LRRC28: variants seen among roughly 807,000 people sequenced by gnomAD.
The protein encoded by LRRC28 is leucine-rich repeat-containing protein 28.
In LRRC28, 39 loss-of-function variants were observed where a neutral mutation model predicts 45.7. That is an observed-to-expected ratio of 0.85 (90% CI 0.66 to 1.12). LRRC28 has a LOEUF of 1.12. Ranked by LOEUF, LRRC28 falls within the 50% of genes most tolerant of loss-of-function variation. The pLI is 0.00. For missense variants in LRRC28, 435 were observed against 438.5 expected, an observed-to-expected ratio of 0.99 and a Z score of 0.07; for synonymous variants, 206 against 178.8, an observed-to-expected ratio of 1.15 and a Z score of -1.22.
At chr15:99,300,311 A>G (rs1395701505) in intron 5 of LRRC28, among the ~76,000 whole-genome samples, 1 of 151,420 alleles carries the variant, frequency 6.6e-6, no homozygotes, top group South Asian at 2.1e-4. Context: ...GTTTATAGTA[A>G]TGTAAAGTCT....
intron 7 of LRRC28, among the ~76,000 whole-genome samples, chr15:99,353,480 A>G (rs953462737): frequency 2.0e-5 from 3 of 152,220 alleles, no homozygotes; most frequent in African/African-American, 7.2e-5. Flanking sequence ...GTGCCTATAC[A>G]GGCTGATGAA....
chr15:99,338,831 TG>T (rs1373781157), intron 6 of LRRC28, among the ~76,000 whole-genome samples: 7 of 152,228 alleles, frequency 4.6e-5, no homozygotes, highest in Non-Finnish European at 8.8e-5. Flanking sequence ...CTAAGTCACT[TG>T]TAATACTGTT....
chr15:99,286,471 G>T (rs902879810), intron 3 of LRRC28, among the ~76,000 whole-genome samples: 3 of 152,234 alleles, frequency 2.0e-5, no homozygotes, highest in East Asian at 3.9e-4. Context: ...AAAACCATAG[G>T]TTTTTACTAA....
intron 5 of LRRC28, among the ~76,000 whole-genome samples, chr15:99,301,557 C>T (rs1449001440): frequency 6.6e-6 from 1 of 152,156 alleles, no homozygotes; most frequent in Non-Finnish European, 1.5e-5. Flanking sequence ...GTTACTTGAT[C>T]CCTCTGTGTC....
At chr15:99,295,190 T>C (rs1199727945) in intron 5 of LRRC28, among the ~76,000 whole-genome samples, 2 of 152,248 alleles carry the variant, frequency 1.3e-5, no homozygotes, top group Non-Finnish European at 2.9e-5. Context: ...ATCCGATTGC[T>C]TCCCTGCCTT....
chr15:99,326,421 A>C (rs1955979315), intron 5 of LRRC28: 1 of 152,318 alleles, frequency 6.6e-6, no homozygotes, highest in African/African-American at 2.4e-5. Flanking sequence ...TGGGCAAGAC[A>C]GTCCCTGCCC....
intron 5 of LRRC28, among the ~76,000 whole-genome samples, chr15:99,314,794 T>C (rs1384049793): frequency 6.6e-6 from 1 of 152,218 alleles, no homozygotes; most frequent in Non-Finnish European, 1.5e-5. Context: ...CTTTAACTTG[T>C]CATTTTAGCG....
In LRRC28 at chr15:99,303,562, G is replaced by A. The variant is rs556985025; in HGVS notation, c.385+15611G>A. Among the ~76,000 whole-genome samples the A allele has an allele frequency of 8.5e-5, 13 of 152,262 alleles. No individual in the cohort carries two copies. The South Asian group carries it at 2.1e-3, about 24-fold the overall frequency. On this transcript the variant is annotated intron_variant, in intron 5 of 9. Coordinates refer to ENST00000301981, the MANE Select transcript of LRRC28 (RefSeq NM_144598.5). Reference sequence around the variant, plus strand: ...AAGAATATAAAAACGGCCTGGGCACGGTGGCTCATGCCTACAATCCTAGCA... The same window carrying A: ...AAGAATATAAAAACGGCCTGGGCACAGTGGCTCATGCCTACAATCCTAGCA...
chr15:99,346,259 C>T (rs1956678686), intron 6 of LRRC28, among the ~76,000 whole-genome samples: 1 of 152,196 alleles, frequency 6.6e-6, no homozygotes, highest in South Asian at 2.1e-4. Context: ...TCAGTACAGC[C>T]TGGAACTCCT....
At chr15:99,368,692 A>G (rs1268155865) in intron 9 of LRRC28, among the ~76,000 whole-genome samples, 2 of 152,322 alleles carry the variant, frequency 1.3e-5, no homozygotes, top group Non-Finnish European at 1.5e-5. Flanking sequence ...CCTGTTCAGT[A>G]CAAGCTAGCA....
intron 9 of LRRC28, among the ~76,000 whole-genome samples, chr15:99,375,653 G>A (rs559045185): frequency 6.6e-6 from 1 of 152,026 alleles, no homozygotes; most frequent in Non-Finnish European, 1.5e-5. Context: ...AATGGTTGTA[G>A]GACTATTCAG....
chr15:99,333,319 T>C (rs1300198976), intron 5 of LRRC28, among the ~76,000 whole-genome samples: 2 of 152,224 alleles, frequency 1.3e-5, no homozygotes, highest in Non-Finnish European at 2.9e-5. Context: ...TTATAGGGTA[T>C]GTATACTTTG....
intron 5 of LRRC28, among the ~76,000 whole-genome samples, chr15:99,311,151 G>T (rs1189006186): frequency 6.6e-6 from 1 of 152,104 alleles, no homozygotes; most frequent in Non-Finnish European, 1.5e-5. Flanking sequence ...AAGGGGACTG[G>T]GAGGGTCTTT....
intron 5 of LRRC28, among the ~76,000 whole-genome samples, chr15:99,304,026 C>A (rs745409227): frequency 1.9e-4 from 29 of 152,134 alleles, no homozygotes; most frequent in Non-Finnish European, 4.0e-4. Flanking sequence ...TATCAGATAA[C>A]CTGTACGGAT....
At chr15:99,317,236 A>G (rs1213235179) in intron 5 of LRRC28, among the ~76,000 whole-genome samples, 1 of 152,148 alleles carries the variant, frequency 6.6e-6, no homozygotes, top group African/African-American at 2.4e-5. Context: ...AAAAATGTCT[A>G]TGCCTTTCTG....
At chr15:99,302,229 G>A (rs8032790) in intron 5 of LRRC28, among the ~76,000 whole-genome samples, 8 of 151,848 alleles carry the variant, frequency 5.3e-5, no homozygotes, top group East Asian at 1.9e-4. Flanking sequence ...GGGTTTCATC[G>A]TGTTAGCCAG....
chr15:99,316,531 T>C (rs894792029), intron 5 of LRRC28, among the ~76,000 whole-genome samples: 13 of 152,282 alleles, frequency 8.5e-5, no homozygotes, highest in Admixed American at 7.8e-4. Flanking sequence ...AAGGAAATTA[T>C]GGATACAGTT....
intron 2 of LRRC28, among the ~76,000 whole-genome samples, chr15:99,271,784 A>C (rs985488578): frequency 3.9e-5 from 6 of 152,080 alleles, no homozygotes; most frequent in Non-Finnish European, 8.8e-5. Flanking sequence ...TTTTTAGTAG[A>C]GATGAGGTTT....
intron 5 of LRRC28, among the ~76,000 whole-genome samples, chr15:99,290,511 C>T (rs1436488286): frequency 6.6e-6 from 1 of 151,914 alleles, no homozygotes; most frequent in East Asian, 1.9e-4. Flanking sequence ...TTGAAGATTG[C>T]CTAGAAAATG....
Sources: allele counts gnomAD v4.1 joint callset (sites outside exome capture counted in the v4.1 genomes callset), GRCh38; gene constraint gnomAD v4.1.1; transcripts MANE v1.5; gene names NCBI Gene and HGNC (gene_info 2026-07-23, HGNC 2026-07-21).